Variants in OXCT1 observed in about 807,000 individuals in gnomAD.
The protein encoded by OXCT1 is 3-oxoacid CoA-transferase 1.
Under a neutral mutation model 69.6 loss-of-function variants are expected in OXCT1, and 27 were observed. That is an observed-to-expected ratio of 0.39 (90% CI 0.29 to 0.54). OXCT1 has a LOEUF of 0.54. OXCT1 is among the 20% of genes least tolerant of loss of function. The probability of loss-of-function intolerance (pLI) is 0.72; values close to 1 mark genes in which losing one functional copy is unlikely to be tolerated. For missense variants in OXCT1, 437 were observed against 650.2 expected (o/e 0.67, Z 3.57); for synonymous variants, 202 against 217.8 (o/e 0.93, Z 0.64).
At chr5:41,735,977 G>T (rs932037178) in intron 16 of OXCT1, among the ~76,000 whole-genome samples, 1 of 152,200 alleles carries the variant, frequency 6.6e-6, no homozygotes, top group Non-Finnish European at 1.5e-5. Context: ...GGGAGCCAAA[G>T]CCTCTGTATC....
At chr5:41,804,130 G>A (rs1189556241) in intron 9 of OXCT1, among the ~76,000 whole-genome samples, 1 of 152,092 alleles carries the variant, frequency 6.6e-6, no homozygotes, top group African/African-American at 2.4e-5. Context: ...TGTGGATAGA[G>A]TAAATCTATG....
chr5:41,735,363 A>T (rs144239796), intron 16 of OXCT1, among the ~76,000 whole-genome samples: 2,055 of 152,338 alleles, frequency 0.013, 96 homozygotes, highest in South Asian at 0.079. Flanking sequence ...CAAATACTGT[A>T]TAACTCCACT....
chr5:41,790,536 T>C (rs902894464), intron 13 of OXCT1, among the ~76,000 whole-genome samples: 1 of 152,216 alleles, frequency 6.6e-6, no homozygotes, highest in Non-Finnish European at 1.5e-5. Context: ...CCACACCGTT[T>C]GCTTGCCCTG....
At chr5:41,766,034 A>C (rs1744580751) in intron 13 of OXCT1, among the ~76,000 whole-genome samples, 1 of 152,184 alleles carries the variant, frequency 6.6e-6, no homozygotes, top group Non-Finnish European at 1.5e-5. Flanking sequence ...GCTTCTGGGA[A>C]TGATTGAAGC....
rs184484218 is a variant in OXCT1, at chr5:41,788,456, C to A, written c.1248+5547G>T. On this transcript the variant is annotated intron_variant, in intron 13 of 16. Coordinates refer to ENST00000196371, the MANE Select transcript of OXCT1 (RefSeq NM_000436.4). Reference sequence around the variant, plus strand: ...AATCTAACTATATGATTACAAAAACCTACTTAAAAATAAAGGTGTTCATAG... The same window carrying A: ...AATCTAACTATATGATTACAAAAACATACTTAAAAATAAAGGTGTTCATAG... 8.3e-4 allele frequency among the ~76,000 whole-genome samples: 126 copies of A among 152,062 alleles called. 1 individual carries two copies. The highest frequency in any genetic ancestry group is 2.9e-3 in the African/African-American group (119 of 41,510).
At chr5:41,766,060 C>T (rs1744582107) in intron 13 of OXCT1, among the ~76,000 whole-genome samples, 1 of 152,146 alleles carries the variant, frequency 6.6e-6, no homozygotes, top group Admixed American at 6.5e-5. Context: ...GCCAGCATGA[C>T]ACAAAGTATG....
chr5:41,740,858 T>G (rs750293515), intron 15 of OXCT1, among the ~76,000 whole-genome samples: 2 of 152,180 alleles, frequency 1.3e-5, no homozygotes, highest in Non-Finnish European at 2.9e-5. Context: ...TCATGGTTAG[T>G]TTCCTCTTTC....
chr5:41,748,142 G>A (rs72746926), intron 15 of OXCT1, among the ~76,000 whole-genome samples: 5,556 of 152,202 alleles, frequency 0.037, 144 homozygotes, highest in Non-Finnish European at 0.053. Context: ...AAAATGAACA[G>A]TGGACCACTA....
Position 41,731,303 on chromosome 5 carries a change from G to C in OXCT1, c.*426C>G, listed in dbSNP as rs200642540. Reference sequence around the variant, plus strand: ...AAAAGAAAAGTCAGAGGAGGCTGAAGAAAAAACAATCATGACAGCAACTCT... The same window carrying C: ...AAAAGAAAAGTCAGAGGAGGCTGAACAAAAAACAATCATGACAGCAACTCT... On this transcript the variant is annotated 3_prime_UTR_variant, in exon 17 of 17. Coordinates refer to ENST00000196371, the MANE Select transcript of OXCT1 (RefSeq NM_000436.4). 21 of 918,726 alleles carry C rather than the reference G, an allele frequency of 2.3e-5. No homozygotes were observed. Among genetic ancestry groups the C allele is most frequent in the Admixed American group, 5.5e-5 (1 of 18,262 alleles). 56.9% of individuals were successfully genotyped at this position (918,726 alleles called of 1,614,324 possible).
chr5:41,857,366 C>T (rs561631223), intron 3 of OXCT1, among the ~76,000 whole-genome samples: 6 of 152,324 alleles, frequency 3.9e-5, no homozygotes, highest in African/African-American at 1.2e-4. Flanking sequence ...ATGTCCCCAA[C>T]CTCACTCCAC....
At chr5:41,803,372 A>T in intron 9 of OXCT1, among the ~76,000 whole-genome samples, 1 of 152,082 alleles carries the variant, frequency 6.6e-6, no homozygotes, top group East Asian at 1.9e-4. Context: ...TTTCAGTAAC[A>T]TTAATATCAA....
intron 5 of OXCT1, among the ~76,000 whole-genome samples, chr5:41,846,326 C>G (rs1271231944): frequency 7.2e-6 from 1 of 139,100 alleles, no homozygotes; most frequent in African/African-American, 2.7e-5. Context: ...GTTCCCCTTC[C>G]TGTGTCCATG....
intron 13 of OXCT1, among the ~76,000 whole-genome samples, chr5:41,765,790 G>T (rs995201108): frequency 6.6e-6 from 1 of 152,076 alleles, no homozygotes; most frequent in Non-Finnish European, 1.5e-5. Context: ...GTGAATGAAT[G>T]GATGGAAAGA....
chr5:41,760,172 T>C (rs1195401240), intron 14 of OXCT1, among the ~76,000 whole-genome samples: 1 of 152,018 alleles, frequency 6.6e-6, no homozygotes, highest in African/African-American at 2.4e-5. Flanking sequence ...GTGAACAAAA[T>C]AGTAGCAGCT....
intron 7 of OXCT1, among the ~76,000 whole-genome samples, chr5:41,825,024 C>T (rs1276734801): frequency 6.6e-6 from 1 of 152,156 alleles, no homozygotes; most frequent in Non-Finnish European, 1.5e-5. Context: ...AAAATAGATT[C>T]TTTAAATGAA....
chr5:41,744,540 G>A (rs928361509), intron 15 of OXCT1, among the ~76,000 whole-genome samples: 3 of 152,122 alleles, frequency 2.0e-5, no homozygotes, highest in Non-Finnish European at 4.4e-5. Context: ...CCTGTCTTGT[G>A]CCAGTTTTCA....
chr5:41,832,905 T>C (rs1024031585), intron 7 of OXCT1, among the ~76,000 whole-genome samples: 10 of 152,026 alleles, frequency 6.6e-5, no homozygotes, highest in Non-Finnish European at 1.5e-4. Flanking sequence ...GCAGAACTGA[T>C]CAAGCAGAAG....
At chr5:41,811,250 G>A (rs544079565) in intron 7 of OXCT1, among the ~76,000 whole-genome samples, 21 of 152,010 alleles carry the variant, frequency 1.4e-4, no homozygotes, top group Non-Finnish European at 2.1e-4. Flanking sequence ...TAGATAAATA[G>A]GATAACTATA....
At chr5:41,832,773 A>G (rs1748160598) in intron 7 of OXCT1, among the ~76,000 whole-genome samples, 2 of 152,158 alleles carry the variant, frequency 1.3e-5, no homozygotes, top group Non-Finnish European at 2.9e-5. Context: ...GATAACAAAG[A>G]AGGAATTCAG....
Sources: allele counts gnomAD v4.1 joint callset (sites outside exome capture counted in the v4.1 genomes callset), GRCh38; gene constraint gnomAD v4.1.1; transcripts MANE v1.5; gene names NCBI Gene and HGNC (gene_info 2026-07-23, HGNC 2026-07-21).